The following MEIKIN variants were observed in gnomAD, a reference collection of about 807,000 sequenced individuals.
MEIKIN encodes the protein meiosis-specific kinetochore protein.
At chr5:131,929,024 C>G (rs1751638402) in intron 5 of MEIKIN, among the ~76,000 whole-genome samples, 2 of 152,134 alleles carry the variant, frequency 1.3e-5, no homozygotes, top group South Asian at 4.1e-4. Context: ...TTTTGTTTGT[C>G]TGGGAAACTC....
rs1014740990 is a variant in MEIKIN at position 131,940,314 on chromosome 5, T to C, written c.349+2321A>G. Among the ~76,000 whole-genome samples the C allele has an allele frequency of 2.0e-5, 3 of 152,212 alleles. No homozygotes were observed. In the South Asian group the frequency reaches 6.2e-4, roughly 31 times the overall value. ...TTCTTTTGCACTGCATTCTAGGAAATATTCCTCTAGTCTATTTTCTAGCTC... is the reference window on the plus strand; with the variant it reads ...TTCTTTTGCACTGCATTCTAGGAAACATTCCTCTAGTCTATTTTCTAGCTC... On this transcript the variant is annotated intron_variant, in intron 4 of 12. Transcript: ENST00000442687.
chr5:131,864,325 G>T (rs1222495909), intron 9 of MEIKIN, among the ~76,000 whole-genome samples: 1 of 152,034 alleles, frequency 6.6e-6, no homozygotes, highest in East Asian at 1.9e-4. Context: ...TTGTGTGTTT[G>T]CTTTACTTGT....
At chr5:131,904,923 T>C in intron 8 of MEIKIN, among the ~76,000 whole-genome samples, 1 of 152,016 alleles carries the variant, frequency 6.6e-6, no homozygotes, top group East Asian at 1.9e-4. Flanking sequence ...TTCTCATTTA[T>C]AAGTTGAACA....
At chr5:131,928,143 C>CAA (rs60395354) in intron 5 of MEIKIN, among the ~76,000 whole-genome samples, 86 of 88,682 alleles carry the variant, frequency 9.7e-4, no homozygotes, top group Middle Eastern at 6.3e-3. Context: ...AACTCCGTCT[C>CAA]AAAAAAAAAA....
At chr5:131,837,493 G>A (rs1057284209) in intron 11 of MEIKIN, among the ~76,000 whole-genome samples, 2 of 152,152 alleles carry the variant, frequency 1.3e-5, no homozygotes, top group Non-Finnish European at 2.9e-5. Context: ...TCATGAGCAT[G>A]GGATGTGTTT....
chr5:131,902,858 C>T lies in MEIKIN; in HGVS notation c.703+8957G>A, dbSNP rs75207914. ...GAATATGGATAGGAACGAGGATCAT[C>T]GACATACAGTAGAAAGTCGAAACCC... On this transcript the variant is annotated intron_variant, in intron 8 of 12. Coordinates refer to ENST00000442687, the MANE Select transcript of MEIKIN (RefSeq NM_001303622.2). Among the ~76,000 whole-genome samples, 322 of 152,082 alleles carry T rather than the reference C, an allele frequency of 2.1e-3. 1 individual carries two copies. Among genetic ancestry groups the T allele is most frequent in the African/African-American group, 7.4e-3 (307 of 41,470 alleles).
At chr5:131,923,434 T>A (rs898717831) in intron 5 of MEIKIN, among the ~76,000 whole-genome samples, 6 of 152,148 alleles carry the variant, frequency 3.9e-5, no homozygotes, top group African/African-American at 1.2e-4. Context: ...GAACTCCTAT[T>A]ATTTGATGTT....
chr5:131,942,809 T>A (rs1751895966), intron 3 of MEIKIN, 114 bp from the exon 4 acceptor site: 1 of 381,992 alleles, frequency 2.6e-6, no homozygotes, highest in Non-Finnish European at 4.6e-6. Context: ...TTTATATGTT[T>A]CATATATATA....
intron 9 of MEIKIN, among the ~76,000 whole-genome samples, chr5:131,865,234 T>G (rs1750362401): frequency 6.6e-6 from 1 of 152,124 alleles, no homozygotes; most frequent in Non-Finnish European, 1.5e-5. Context: ...ATTTTTTTTT[T>G]TTTTAGATGG....
intron 11 of MEIKIN, among the ~76,000 whole-genome samples, chr5:131,826,990 GT>G (rs1749627356): frequency 6.6e-6 from 1 of 152,140 alleles, no homozygotes; most frequent in South Asian, 2.1e-4. Context: ...AATGGAAAAA[GT>G]TAATTTTTTT....
chr5:131,824,624 A>C (rs899225791), intron 11 of MEIKIN, among the ~76,000 whole-genome samples: 3 of 152,210 alleles, frequency 2.0e-5, no homozygotes, highest in Non-Finnish European at 4.4e-5. Context: ...GAAATAAAAA[A>C]TTCAGCGAAA....
chr5:131,866,232 C>A (rs1750382584), intron 9 of MEIKIN, among the ~76,000 whole-genome samples: 1 of 152,200 alleles, frequency 6.6e-6, no homozygotes, highest in South Asian at 2.1e-4. Context: ...TGAATGCCAG[C>A]TGTGGTGGTA....
intron 11 of MEIKIN, among the ~76,000 whole-genome samples, chr5:131,844,796 C>T (rs1014074348): frequency 1.3e-5 from 2 of 151,990 alleles, no homozygotes; most frequent in Non-Finnish European, 2.9e-5. Flanking sequence ...AGGAGGTACA[C>T]AATAATGGCT....
intron 8 of MEIKIN, among the ~76,000 whole-genome samples, chr5:131,886,625 G>A (rs973350285): frequency 6.6e-6 from 1 of 152,154 alleles, no homozygotes; most frequent in Non-Finnish European, 1.5e-5. Context: ...GATGTCATGA[G>A]TGCCAGACCT....
At chr5:131,850,713 A>C (rs189962472) in intron 11 of MEIKIN, among the ~76,000 whole-genome samples, 5 of 151,458 alleles carry the variant, frequency 3.3e-5, no homozygotes, top group Admixed American at 3.3e-4. Context: ...GACCTAAAAC[A>C]AAAAAAAATT....
chr5:131,945,510 A>C lies in MEIKIN; in HGVS notation c.-5T>G. The C allele has an allele frequency of 7.5e-6, 3 of 399,606 alleles. No individual in the cohort carries two copies. The highest frequency in any genetic ancestry group is 1.3e-5 in the Non-Finnish European group (3 of 226,116). The allele number at this position is 399,606 out of a possible 1,614,324, so 24.8% of individuals were successfully genotyped here. A position where few individuals can be genotyped will look rare whatever the true frequency, so the allele number is the denominator to read the frequency against. On this transcript the variant is annotated 5_prime_UTR_variant, in exon 1 of 13. Coordinates refer to ENST00000442687, the MANE Select transcript of MEIKIN (RefSeq NM_001303622.2). ...ATAGACCCGTAGCGGCCACATTGCT[A>C]TCCCACCCTACCCCCAGGCCACGGG...
At chr5:131,895,476 T>C (rs1285465685) in intron 8 of MEIKIN, among the ~76,000 whole-genome samples, 2 of 152,176 alleles carry the variant, frequency 1.3e-5, no homozygotes, top group African/African-American at 2.4e-5. Context: ...CCAGCTCCTC[T>C]TTGTACCTCT....
chr5:131,905,920 A>C (rs1262520741), intron 8 of MEIKIN, among the ~76,000 whole-genome samples: 1 of 152,206 alleles, frequency 6.6e-6, no homozygotes, highest in African/African-American at 2.4e-5. Flanking sequence ...AAAACTATCA[A>C]AACCCTGGAA....
intron 11 of MEIKIN, among the ~76,000 whole-genome samples, chr5:131,844,053 A>C (rs923210325): frequency 3.3e-5 from 5 of 152,142 alleles, no homozygotes; most frequent in African/African-American, 7.2e-5. Flanking sequence ...GGAAGCAAGC[A>C]TATCTTCATG....
Sources: gnomAD v4.1 joint callset for allele counts (sites outside exome capture counted in the v4.1 genomes callset) on GRCh38, gnomAD v4.1.1 for gene constraint, MANE v1.5 for transcripts, NCBI Gene and HGNC (gene_info 2026-07-23, HGNC 2026-07-21) for gene names.